Variants in BBX observed in about 807,000 individuals in gnomAD.
BBX encodes the protein HMG box transcription factor BBX.
In BBX, 30 loss-of-function variants were observed where a neutral mutation model predicts 100.2. That is an observed-to-expected ratio of 0.30 (90% CI 0.22 to 0.41). The LOEUF is 0.41. BBX is among the 10% of genes least tolerant of loss of function. The pLI is 1.00. For missense variants in BBX, 1,023 were observed against 1,129.8 expected, an observed-to-expected ratio of 0.91 and a Z score of 1.35; for synonymous variants, 376 against 388.1, an observed-to-expected ratio of 0.97 and a Z score of 0.37.
intron 12 of BBX, among the ~76,000 whole-genome samples, chr3:107,778,021 G>C (rs2067468730): frequency 6.6e-6 from 1 of 151,984 alleles, no homozygotes; most frequent in South Asian, 2.1e-4. Context: ...ATATGAGTCT[G>C]TAAAATGAGA....
intron 9 of BBX, among the ~76,000 whole-genome samples, chr3:107,749,676 T>C (rs943401495): frequency 7.3e-5 from 11 of 151,070 alleles, no homozygotes; most frequent in Admixed American, 1.3e-4. Flanking sequence ...CCTCATTACC[T>C]AGGCTGGAGT....
intron 2 of BBX, among the ~76,000 whole-genome samples, chr3:107,555,197 T>C (rs1435897881): frequency 6.6e-6 from 1 of 152,232 alleles, no homozygotes; most frequent in Non-Finnish European, 1.5e-5. Context: ...GTTTCCCACC[T>C]CCTATCTTCT....
chr3:107,585,336 C>T (rs997068042), intron 2 of BBX, among the ~76,000 whole-genome samples: 6 of 152,074 alleles, frequency 3.9e-5, no homozygotes, highest in Admixed American at 2.0e-4. Context: ...TACCTGGAAA[C>T]GGAGAAGAGA....
intron 2 of BBX, among the ~76,000 whole-genome samples, chr3:107,601,782 G>A (rs951175569): frequency 2.0e-5 from 3 of 152,218 alleles, no homozygotes; most frequent in Non-Finnish European, 4.4e-5. Context: ...GACTATTGAT[G>A]AAGGCAGCTA....
intron 2 of BBX, among the ~76,000 whole-genome samples, chr3:107,594,923 A>G (rs886609025): frequency 6.6e-5 from 10 of 152,130 alleles, no homozygotes; most frequent in South Asian, 2.1e-4. Context: ...GTAAAGTTAA[A>G]TAATTTGCTC....
At chr3:107,591,516 C>A (rs186416155) in intron 2 of BBX, among the ~76,000 whole-genome samples, 15 of 152,292 alleles carry the variant, frequency 9.8e-5, no homozygotes, top group African/African-American at 3.6e-4. Context: ...TGAGACACTT[C>A]TCACTCTGTG....
intron 15 of BBX, 107 bp from the exon 16 acceptor site, chr3:107,798,416 A>C: frequency 9.4e-7 from 1 of 1,066,252 alleles, no homozygotes; most frequent in Non-Finnish European, 1.4e-6. Context: ...CTCTGAGTGT[A>C]AATTCTCCAT....
intron 7 of BBX, among the ~76,000 whole-genome samples, chr3:107,740,081 G>A (rs1227103628): frequency 6.6e-6 from 1 of 151,844 alleles, no homozygotes; most frequent in African/African-American, 2.4e-5. Context: ...TTCTGCTTGT[G>A]GGAGAGCTCA....
At chr3:107,525,712 C>T (rs1177539169) in intron 1 of BBX, among the ~76,000 whole-genome samples, 1 of 152,234 alleles carries the variant, frequency 6.6e-6, no homozygotes, top group Non-Finnish European at 1.5e-5. Flanking sequence ...CCCGACCTCG[C>T]AGACCTGGTG....
intron 3 of BBX, among the ~76,000 whole-genome samples, chr3:107,662,289 A>C (rs1447373350): frequency 1.3e-5 from 2 of 152,116 alleles, no homozygotes; most frequent in Non-Finnish European, 2.9e-5. Flanking sequence ...AGTGGAAGTG[A>C]GTAATTTCTG....
chr3:107,548,695 T>G (rs1269718422), intron 2 of BBX, among the ~76,000 whole-genome samples: 2 of 152,194 alleles, frequency 1.3e-5, no homozygotes, highest in African/African-American at 4.8e-5. Context: ...GCTGTTATGT[T>G]CATTCCAGTG....
At chr3:107,541,409 C>G (rs2048851665) in intron 2 of BBX, among the ~76,000 whole-genome samples, 1 of 152,046 alleles carries the variant, frequency 6.6e-6, no homozygotes, top group Non-Finnish European at 1.5e-5. Context: ...TAATTTTGTT[C>G]ATGCCCTGTG....
At chr3:107,749,635 CT>C (rs1236776971) in intron 9 of BBX, among the ~76,000 whole-genome samples, 264 of 141,516 alleles carry the variant, frequency 1.9e-3, no homozygotes, top group Non-Finnish European at 1.6e-3. Flanking sequence ...TGTATGACCT[CT>C]TTTTTTTTTT....
rs570458438 is a variant in BBX, at chr3:107,594,016, T to C, written c.-83-51820T>C. Among the ~76,000 whole-genome samples the C allele has an allele frequency of 5.9e-5, 9 of 152,330 alleles. No individual in the cohort carries two copies. In the East Asian group the frequency reaches 1.7e-3, roughly 29 times the overall value. On this transcript the variant is annotated intron_variant, in intron 2 of 17. Coordinates refer to ENST00000325805, the MANE Select transcript of BBX (RefSeq NM_001142568.3). ...AGAGGCAAATGCTTTTCTTTGTGCT[T>C]GTATCAGGTCATCAATGAAGGGAGA...
intron 6 of BBX, among the ~76,000 whole-genome samples, chr3:107,732,544 G>C (rs1395623298): frequency 1.3e-5 from 2 of 152,050 alleles, no homozygotes; most frequent in Non-Finnish European, 2.9e-5. Flanking sequence ...TTTAAAACTA[G>C]TCCTGATTTC....
intron 5 of BBX, among the ~76,000 whole-genome samples, chr3:107,719,889 A>T (rs935840676): frequency 2.0e-5 from 3 of 152,044 alleles, no homozygotes; most frequent in Admixed American, 6.6e-5. Flanking sequence ...CATTTAAACT[A>T]ATTATCATAA....
intron 2 of BBX, among the ~76,000 whole-genome samples, chr3:107,642,455 C>T (rs1247918112): frequency 1.3e-5 from 2 of 152,192 alleles, no homozygotes; most frequent in East Asian, 3.8e-4. Flanking sequence ...ACAGTACCTA[C>T]TGACGAAATG....
intron 13 of BBX, among the ~76,000 whole-genome samples, chr3:107,781,835 C>T (rs1478706194): frequency 6.6e-6 from 1 of 152,064 alleles, no homozygotes; most frequent in African/African-American, 2.4e-5. Context: ...TCCACACTTA[C>T]ATTTTAAGAC....
intron 2 of BBX, among the ~76,000 whole-genome samples, chr3:107,613,092 C>G (rs1325709164): frequency 6.6e-6 from 1 of 151,968 alleles, no homozygotes; most frequent in Admixed American, 6.6e-5. Context: ...CTCAAGCGCT[C>G]TTTAGTCAGC....
Sources: gnomAD v4.1 joint callset for allele counts (sites outside exome capture counted in the v4.1 genomes callset) on GRCh38, gnomAD v4.1.1 for gene constraint, MANE v1.5 for transcripts, NCBI Gene and HGNC (gene_info 2026-07-23, HGNC 2026-07-21) for gene names.